PRKACB: variants seen among roughly 807,000 people sequenced by gnomAD.
PRKACB encodes protein kinase cAMP-activated catalytic subunit beta, also known as cAMP-dependent protein kinase catalytic subunit beta.
In PRKACB, 16 loss-of-function variants were observed where a neutral mutation model predicts 51.4. The observed-to-expected ratio is 0.31, with a 90% CI of 0.21 to 0.47. The LOEUF (loss-of-function observed/expected upper bound fraction) is 0.47. PRKACB is among the 20% of genes least tolerant of loss of function. The probability of loss-of-function intolerance (pLI) is 1.00; values close to 1 mark genes in which losing one functional copy is unlikely to be tolerated. For synonymous variants in PRKACB, 147 were observed against 154.4 expected (o/e 0.95, Z 0.35); for missense variants, 309 against 464.5 (o/e 0.67, Z 3.08).
chr1:84,142,815 T>C (rs1653553375), upstream of PRKACB, among the ~76,000 whole-genome samples: 1 of 152,238 alleles, frequency 6.6e-6, no homozygotes, highest in Admixed American at 6.5e-5. Context: ...AATTCACTAA[T>C]CAGTGTTTTC....
At chr1:84,230,409 G>A (rs1165678804) in intron 9 of PRKACB, among the ~76,000 whole-genome samples, 6 of 152,080 alleles carry the variant, frequency 3.9e-5, no homozygotes, top group Admixed American at 1.3e-4. Flanking sequence ...TTGATTTGGC[G>A]ATGCGGGCTC....
chr1:84,211,907 A>T (rs1191263841), intron 8 of PRKACB, among the ~76,000 whole-genome samples: 1 of 152,212 alleles, frequency 6.6e-6, no homozygotes, highest in East Asian at 1.9e-4. Context: ...ATTTTAGAAC[A>T]TAAAACTGCT....
intron 2 of PRKACB, among the ~76,000 whole-genome samples, chr1:84,179,851 G>A (rs1011785333): frequency 2.6e-5 from 4 of 151,454 alleles, no homozygotes; most frequent in Admixed American, 2.6e-4. Context: ...GAATGTGCAG[G>A]TTTGTTACAT....
At chr1:84,108,515 T>G (rs1649968602) in intron 1 of PRKACB, among the ~76,000 whole-genome samples, 1 of 151,930 alleles carries the variant, frequency 6.6e-6, no homozygotes, top group Admixed American at 6.6e-5. Flanking sequence ...AAAAGTGAGT[T>G]TTAACAAATT....
intron 1 of PRKACB, among the ~76,000 whole-genome samples, chr1:84,098,208 G>C (rs770870196): frequency 5.9e-5 from 9 of 151,956 alleles, no homozygotes; most frequent in Non-Finnish European, 1.3e-4. Flanking sequence ...AAGAAAATAG[G>C]AGTTATTATT....
At chr1:84,174,683 A>G (rs1448902335) in intron 1 of PRKACB, among the ~76,000 whole-genome samples, 1 of 151,956 alleles carries the variant, frequency 6.6e-6, no homozygotes, top group Non-Finnish European at 1.5e-5. Context: ...TTTTGACTGA[A>G]TAACAGAACT....
At chr1:84,235,026 G>A (rs1676510159) in intron 9 of PRKACB, among the ~76,000 whole-genome samples, 154 bp from the exon 10 acceptor site, 2 of 152,150 alleles carry the variant, frequency 1.3e-5, no homozygotes, top group Admixed American at 1.3e-4. Context: ...CCTACTGCTT[G>A]CTGCTTCTTC....
chr1:84,090,162 A>G (rs1029676311), intron 1 of PRKACB, among the ~76,000 whole-genome samples: 1 of 152,130 alleles, frequency 6.6e-6, no homozygotes, highest in Non-Finnish European at 1.5e-5. Flanking sequence ...CATTCTTCAC[A>G]AGTTCTATTT....
At chr1:84,162,431 T>A (rs1204133269) in intron 1 of PRKACB, among the ~76,000 whole-genome samples, 1 of 151,982 alleles carries the variant, frequency 6.6e-6, no homozygotes. Context: ...ATATGTTGGT[T>A]CCCTTGATAT....
At chr1:84,155,122 A>G (rs919625245) in intron 1 of PRKACB, among the ~76,000 whole-genome samples, 3 of 152,194 alleles carry the variant, frequency 2.0e-5, no homozygotes, top group African/African-American at 7.2e-5. Context: ...ATTATCTTGT[A>G]TATTAAAGAC....
At chr1:84,231,307 G>A (rs1263260336) in intron 9 of PRKACB, among the ~76,000 whole-genome samples, 1 of 152,202 alleles carries the variant, frequency 6.6e-6, no homozygotes, top group Non-Finnish European at 1.5e-5. Flanking sequence ...TGGATGTGCT[G>A]CTGGATTTGG....
chr1:84,212,724 GA>G (rs1427370838), intron 8 of PRKACB, among the ~76,000 whole-genome samples: 3 of 152,068 alleles, frequency 2.0e-5, no homozygotes, highest in African/African-American at 7.2e-5. Context: ...TAAGTTCCAT[GA>G]AATCAGAGAC....
Position 84,214,203 on chromosome 1 carries a change from C to T in PRKACB, c.957C>T (p.Asn319=). 1 of 1,613,306 alleles carries T rather than the reference C, an allele frequency of 6.2e-7. No homozygotes were observed. Among genetic ancestry groups the T allele is most frequent in the South Asian group, 1.1e-5 (1 of 90,950 alleles). ...CAGATCTCAAGGACCTTCTACGGAA[C>T]CTGCTGCAGGTGGATTTGACCAAGA... ...FSSDLKDLLR[N]LLQVDLTKRF... is the part of the protein sequence containing the mutation. Residue 319 remains asparagine (N), a synonymous_variant, in exon 9 of 10, where the codon AAC becomes AAT. Transcript: ENST00000370685.
In PRKACB at chr1:84,082,990, A is replaced by G. The variant is rs147324984; in HGVS notation, c.46+4619A>G. On this transcript the variant is annotated intron_variant, in intron 1 of 8. Coordinates refer to the PRKACB transcript ENST00000370688. ...TTATAAACTTAGTGAGCAAATTATTATAGTTCAATAATTTGTGTTTAATTT... is the reference window on the plus strand; with the variant it reads ...TTATAAACTTAGTGAGCAAATTATTGTAGTTCAATAATTTGTGTTTAATTT... Among the ~76,000 whole-genome samples the G allele has an allele frequency of 1.5e-3, 226 of 152,336 alleles. 2 individuals are homozygous for G. Among genetic ancestry groups the G allele is most frequent in the African/African-American group, 5.1e-3 (213 of 41,576 alleles).
rs199680825 is a variant in PRKACB, at chr1:84,234,647, G to A, written c.1072-533G>A. On this transcript the variant is annotated intron_variant, in intron 9 of 9. Transcript: ENST00000370685. ...CGTTTTTTAAGCCCGTGGGAAAAGC[G>A]CAGTATTCGGGTGGGAGTGACCTGA... Among the ~76,000 whole-genome samples the A allele has an allele frequency of 2.0e-3, 310 of 152,308 alleles. 4 individuals carry two copies. In the East Asian group the frequency reaches 0.03, roughly 15 times the overall value.
chr1:84,127,602 A>G (rs1410175665), intron 1 of PRKACB, among the ~76,000 whole-genome samples: 2 of 82,360 alleles, frequency 2.4e-5, no homozygotes, highest in Non-Finnish European at 3.7e-5. Context: ...TTACTGAGCT[A>G]TTTTTACTGT....
At chr1:84,195,215 A>T (rs72710875) in intron 5 of PRKACB, among the ~76,000 whole-genome samples, 3,589 of 152,292 alleles carry the variant, frequency 0.024, 67 homozygotes, top group Non-Finnish European at 0.036. Context: ...TACAATGTGG[A>T]TTGACAGTGT....
intron 1 of PRKACB, among the ~76,000 whole-genome samples, chr1:84,098,609 G>A (rs1226203918): frequency 6.6e-6 from 1 of 152,056 alleles, no homozygotes; most frequent in East Asian, 1.9e-4. Context: ...TGGACTAGGG[G>A]AGTACAATAT....
At chr1:84,180,046 C>CAA (rs761445098) in intron 2 of PRKACB, among the ~76,000 whole-genome samples, 3 of 51,026 alleles carry the variant, frequency 5.9e-5, no homozygotes, top group Non-Finnish European at 1.3e-4. Context: ...ACATAAAGAC[C>CAA]AAAAAAAAAA....
Sources: gnomAD v4.1 joint callset for allele counts (sites outside exome capture counted in the v4.1 genomes callset) on GRCh38, gnomAD v4.1.1 for gene constraint, MANE v1.5 for transcripts, NCBI Gene and HGNC (gene_info 2026-07-23, HGNC 2026-07-21) for gene names.